The following FAM120B variants were observed in gnomAD, a reference collection of about 807,000 sequenced individuals.
The protein encoded by FAM120B is constitutive coactivator of peroxisome proliferator-activated receptor gamma.
Under a neutral mutation model 96.3 loss-of-function variants are expected in FAM120B, and 83 were observed. That is an observed-to-expected ratio of 0.86 (90% CI 0.72 to 1.03). FAM120B has a LOEUF of 1.03. Ranked by LOEUF, FAM120B falls within the 50% of genes least tolerant of loss-of-function variation. The pLI is 0.00. For synonymous variants in FAM120B, 407 were observed against 402.7 expected (o/e 1.01, Z -0.13); for missense variants, 1,027 against 1,121.2 (o/e 0.92, Z 1.20).
intron 1 of FAM120B, among the ~76,000 whole-genome samples, chr6:170,310,946 T>C (rs1342808752): frequency 1.3e-5 from 2 of 152,120 alleles, no homozygotes; most frequent in Non-Finnish European, 2.9e-5. Flanking sequence ...TATTTATGAG[T>C]GAATGTGGGA....
upstream of FAM120B, among the ~76,000 whole-genome samples, chr6:170,305,059 T>C (rs1472557268): frequency 1.3e-5 from 2 of 152,108 alleles, no homozygotes; most frequent in Non-Finnish European, 2.9e-5. Flanking sequence ...CTGGCCTCGT[T>C]ATGGCACTAT....
At chr6:170,325,085 G>T (rs553216488) in intron 3 of FAM120B, among the ~76,000 whole-genome samples, 2 of 152,148 alleles carry the variant, frequency 1.3e-5, no homozygotes, top group Admixed American at 1.3e-4. Context: ...TTTTGCTTTA[G>T]GTATTTTGAA....
chr6:170,355,733 G>GA (rs1160614696), intron 5 of FAM120B, among the ~76,000 whole-genome samples: 1 of 151,936 alleles, frequency 6.6e-6, no homozygotes, highest in Non-Finnish European at 1.5e-5. Flanking sequence ...AACTTTGGAG[G>GA]AAAAAAATGT....
chr6:170,350,127 C>T (rs1375820388), intron 5 of FAM120B, among the ~76,000 whole-genome samples: 1 of 152,192 alleles, frequency 6.6e-6, no homozygotes, highest in African/African-American at 2.4e-5. Context: ...GTTTTACATA[C>T]TCCGGCTCTG....
chr6:170,395,165 C>T (rs1340034135), intron 8 of FAM120B, among the ~76,000 whole-genome samples: 2 of 152,108 alleles, frequency 1.3e-5, no homozygotes, highest in Non-Finnish European at 2.9e-5. Context: ...TGGTCATGGG[C>T]GCCATGGCCT....
rs145529365 is a variant in FAM120B at position 170,330,577 on chromosome 6, C to T, written c.2017+27C>T. On this transcript the variant is annotated intron_variant, in intron 4 of 10. Transcript: ENST00000476287. ...TACAGGCAGCCTTTCTTTAAATGAA[C>T]CACAGATCTTTCCATTCTATGATAA... 159 of 1,509,604 alleles carry T rather than the reference C, an allele frequency of 1.1e-4. No homozygotes were observed. In the East Asian group the frequency reaches 3.6e-3, roughly 34 times the overall value. 93.5% of individuals were successfully genotyped at this position (1,509,604 alleles called of 1,614,324 possible).
chr6:170,365,623 G>T (rs915796816), intron 6 of FAM120B, among the ~76,000 whole-genome samples: 1 of 152,194 alleles, frequency 6.6e-6, no homozygotes, highest in Non-Finnish European at 1.5e-5. Flanking sequence ...CCTCCTGAGG[G>T]AATTCAAATC....
At chr6:170,316,346 T>C (rs9366137) in intron 1 of FAM120B, among the ~76,000 whole-genome samples, 20,333 of 152,204 alleles carry the variant, frequency 0.13, 1,501 homozygotes, top group East Asian at 0.31. Context: ...CTGCTGTTTG[T>C]ATATTAAGAA....
At chr6:170,300,842 G>A (rs1784125106) in intron 1 of FAM120B, among the ~76,000 whole-genome samples, 1 of 152,226 alleles carries the variant, frequency 6.6e-6, no homozygotes, top group Admixed American at 6.5e-5. Context: ...TGATGCGAGA[G>A]GTGGGCTCCC....
intron 6 of FAM120B, among the ~76,000 whole-genome samples, chr6:170,362,517 G>A (rs761550275): frequency 6.6e-6 from 1 of 152,102 alleles, no homozygotes; most frequent in Non-Finnish European, 1.5e-5. Flanking sequence ...TGTAGAACAC[G>A]ATGCCATGGT....
In FAM120B at chr6:170,359,307, C is replaced by T. The variant is rs1299778285; in HGVS notation, c.2283+989C>T. ...ACTTGCAAGGCTGAGGCAATAGAAT[C>T]GCTTGAAACTGGGAGGCAGAGGTTG... On this transcript the variant is annotated intron_variant, in intron 6 of 10. Transcript: ENST00000476287. 4.0e-5 allele frequency among the ~76,000 whole-genome samples: 6 copies of T among 151,680 alleles called. No homozygotes were observed. The East Asian group carries it at 7.8e-4, about 20-fold the overall frequency.
chr6:170,327,648 CCAT>C (rs1246041712), intron 3 of FAM120B, among the ~76,000 whole-genome samples: 5 of 150,376 alleles, frequency 3.3e-5, no homozygotes, highest in Admixed American at 3.3e-4. Flanking sequence ...TCCGGTGAGT[CCAT>C]GAGTGAGTGG....
At chr6:170,397,603 C>A (rs1001396792) in intron 9 of FAM120B, among the ~76,000 whole-genome samples, 1 of 152,090 alleles carries the variant, frequency 6.6e-6, no homozygotes, top group Admixed American at 6.5e-5. Context: ...GTCTGCAGAC[C>A]GACCACATCC....
At chr6:170,374,031 A>G (rs1789362883) in intron 6 of FAM120B, among the ~76,000 whole-genome samples, 1 of 152,036 alleles carries the variant, frequency 6.6e-6, no homozygotes, top group Non-Finnish European at 1.5e-5. Context: ...CCTCAGTTCT[A>G]CCTGGATTTT....
Position 170,348,134 on chromosome 6 carries a change from CT to C in FAM120B, c.2018-10del, listed in dbSNP as rs1329291872. ...GCTGCAAAGAACAATAGTTAATGGACTTTTTTTCTTAACTAGGGGGAACGCC... is the reference window on the plus strand; with the variant it reads ...GCTGCAAAGAACAATAGTTAATGGACTTTTTTCTTAACTAGGGGGAACGCC... On this transcript the variant is annotated splice_polypyrimidine_tract_variant and intron_variant, in intron 4 of 10. Coordinates refer to ENST00000476287, the MANE Select transcript of FAM120B (RefSeq NM_032448.3). 1.9e-6 allele frequency: 3 copies of C among 1,607,928 alleles called. No individual in the cohort carries two copies. The highest frequency in any genetic ancestry group is 2.2e-5 in the East Asian group (1 of 44,800).
At chr6:170,357,076 G>A (rs1380613392) in intron 5 of FAM120B, among the ~76,000 whole-genome samples, 1 of 152,096 alleles carries the variant, frequency 6.6e-6, no homozygotes, top group Non-Finnish European at 1.5e-5. Flanking sequence ...TTGCAAATAG[G>A]CATGTTAGCC....
At chr6:170,357,968 A>ACCTGTGCGTGTG (rs1788065003) in intron 5 of FAM120B, among the ~76,000 whole-genome samples, 1 of 151,712 alleles carries the variant, frequency 6.6e-6, no homozygotes, top group Non-Finnish European at 1.5e-5. Context: ...CTGTTTGTGC[A>ACCTGTGCGTGTG]CCTGTGCGTG....
chr6:170,354,640 A>G (rs1023069712), intron 5 of FAM120B, among the ~76,000 whole-genome samples: 2 of 152,092 alleles, frequency 1.3e-5, no homozygotes, highest in South Asian at 2.1e-4. Context: ...AAGAGGACAT[A>G]TAGCCGGGCG....
chr6:170,353,137 A>C (rs1787684610), intron 5 of FAM120B, among the ~76,000 whole-genome samples: 1 of 152,220 alleles, frequency 6.6e-6, no homozygotes, highest in Non-Finnish European at 1.5e-5. Flanking sequence ...ACATTGATAA[A>C]TTCCTGCACA....
Sources: allele counts gnomAD v4.1 joint callset (sites outside exome capture counted in the v4.1 genomes callset), GRCh38; gene constraint gnomAD v4.1.1; transcripts MANE v1.5; gene names NCBI Gene and HGNC (gene_info 2026-07-23, HGNC 2026-07-21).